DLC1: variants seen among roughly 807,000 people sequenced by gnomAD.
DLC1 encodes the protein rho GTPase-activating protein 7.
In DLC1, 54 loss-of-function variants were observed where a neutral mutation model predicts 140.3. The ratio of observed to expected loss-of-function variants is 0.38; its 90% CI spans 0.31 to 0.48. DLC1 has a LOEUF of 0.48. DLC1 is among the 20% of genes least tolerant of loss of function. The pLI, the probability that DLC1 is intolerant of heterozygous loss-of-function variation, is 0.96. For synonymous variants in DLC1, 986 were observed against 728.1 expected, an observed-to-expected ratio of 1.35 and a Z score of -5.70; for missense variants, 2,536 against 1,907.0, an observed-to-expected ratio of 1.33 and a Z score of -6.14.
chr8:13,394,140 C>G (rs1836905277), intron 3 of DLC1, among the ~76,000 whole-genome samples: 1 of 152,228 alleles, frequency 6.6e-6, no homozygotes, highest in Admixed American at 6.5e-5. Flanking sequence ...TTCTTCTTAC[C>G]TCAATCTCTT....
intron 5 of DLC1, among the ~76,000 whole-genome samples, chr8:13,145,774 A>G (rs1182049657): frequency 6.6e-6 from 1 of 152,232 alleles, no homozygotes; most frequent in Non-Finnish European, 1.5e-5. Flanking sequence ...AAAAATAAAG[A>G]GCTTACATAA....
intron 2 of DLC1, among the ~76,000 whole-genome samples, chr8:13,474,170 G>T (rs570241497): frequency 6.6e-6 from 1 of 152,140 alleles, no homozygotes; most frequent in Non-Finnish European, 1.5e-5. Flanking sequence ...GCAGTCTGGG[G>T]ATTTGGTGGC....
Position 13,483,798 on chromosome 8 carries a change from C to T in DLC1, c.1023+15251G>A, listed in dbSNP as rs764643193. Among the ~76,000 whole-genome samples the T allele has an allele frequency of 5.3e-5, 8 of 152,108 alleles. No homozygotes were observed. In the East Asian group the frequency reaches 5.8e-4, roughly 11 times the overall value. Reference sequence around the variant, plus strand: ...GATTTGCATTGTTTAAAGATAATCTCGGGCGGGGTGTGGTGGCTCACACCT... The same window carrying T: ...GATTTGCATTGTTTAAAGATAATCTTGGGCGGGGTGTGGTGGCTCACACCT... On this transcript the variant is annotated intron_variant, in intron 2 of 17. Transcript: ENST00000276297.
intron 2 of DLC1, among the ~76,000 whole-genome samples, chr8:13,495,663 T>C (rs1162095255): frequency 1.3e-5 from 2 of 152,176 alleles, no homozygotes; most frequent in Non-Finnish European, 2.9e-5. Context: ...TCCCCTCCAA[T>C]TGAGACTCCT....
intron 2 of DLC1, among the ~76,000 whole-genome samples, chr8:13,479,853 G>GAGAAAAAGAAAGAAAGAAAGA (rs1800622398): frequency 3.0e-4 from 15 of 49,982 alleles, no homozygotes; most frequent in African/African-American, 7.0e-4. Flanking sequence ...AGAAGAAGAA[G>GAGAAAAAGAAAGAAAGAAAGA]AAGAAGAGAA....
intron 1 of DLC1, among the ~76,000 whole-genome samples, chr8:13,578,692 A>G (rs549110606): frequency 1.3e-5 from 2 of 152,268 alleles, no homozygotes; most frequent in Admixed American, 6.5e-5. Context: ...ATTATAAAGG[A>G]TATTACAAAA....
In DLC1 at chr8:13,380,051, G is replaced by A. The variant is rs369362446; in HGVS notation, c.1314+13502C>T. 1.2e-4 allele frequency among the ~76,000 whole-genome samples: 19 copies of A among 152,198 alleles called. No individual in the cohort carries two copies. The East Asian group carries it at 2.7e-3, about 22-fold the overall frequency. ...AACTGAACTTTACAAAACCTTTCTG[G>A]CCAGGCACCATTCATTCCTTGTCAT... On this transcript the variant is annotated intron_variant, in intron 4 of 17. Transcript: ENST00000276297.
At chr8:13,383,831 C>T (rs866897122) in intron 4 of DLC1, among the ~76,000 whole-genome samples, 1 of 152,146 alleles carries the variant, frequency 6.6e-6, no homozygotes, top group African/African-American at 2.4e-5. Context: ...AAGCCAATTT[C>T]GAAGTAGATC....
At chr8:13,402,598 T>C (rs186118698) in intron 2 of DLC1, among the ~76,000 whole-genome samples, 2 of 152,328 alleles carry the variant, frequency 1.3e-5, no homozygotes, top group Admixed American at 1.3e-4. Context: ...TCTGATTGTA[T>C]TGATCTGGGT....
intron 5 of DLC1, among the ~76,000 whole-genome samples, chr8:13,234,548 T>C (rs946783792): frequency 1.3e-5 from 2 of 152,166 alleles, no homozygotes; most frequent in East Asian, 3.8e-4. Flanking sequence ...ATATTACAAA[T>C]GAAGAAAGCT....
chr8:13,268,540 G>A (rs778300354), intron 5 of DLC1, among the ~76,000 whole-genome samples: 4 of 152,194 alleles, frequency 2.6e-5, no homozygotes, highest in African/African-American at 2.4e-5. Flanking sequence ...GCATGCCACC[G>A]TAGCTGCCTA....
rs142520789 is a variant in DLC1 at position 13,099,484 on chromosome 8, G to C, written c.2853C>G (p.His951Gln). ...TGGTTCGGTCGTTGTCCACATCCAG[G>C]TGTATCTGTTTTGGAGAGGACGGGC... Reference protein sequence around the residue: ...SPCPSSPKQIHLDVDNDRTTP... With the variant: ...SPCPSSPKQIQLDVDNDRTTP... Residue 951 changes from histidine to glutamine, a missense_variant, in exon 9 of 18, where the codon CAC (histidine) becomes CAG (glutamine). His to Gln is a conservative substitution (Grantham distance 24). Coordinates refer to ENST00000276297, the MANE Select transcript of DLC1 (RefSeq NM_182643.3). The C allele has an allele frequency of 1.3e-5, 21 of 1,614,154 alleles. No individual in the cohort carries two copies. In the African/African-American group the frequency reaches 2.4e-4, roughly 18 times the overall value.
At chr8:13,350,204 T>C (rs1196583536) in intron 4 of DLC1, among the ~76,000 whole-genome samples, 1 of 152,156 alleles carries the variant, frequency 6.6e-6, no homozygotes, top group East Asian at 1.9e-4. Context: ...TATTTCCTTC[T>C]TTTAAGGCCC....
intron 2 of DLC1, among the ~76,000 whole-genome samples, chr8:13,473,447 T>C (rs1468949726): frequency 6.6e-6 from 1 of 152,176 alleles, no homozygotes; most frequent in Non-Finnish European, 1.5e-5. Flanking sequence ...GACTTGCTTC[T>C]TCTTCCTTCT....
chr8:13,309,938 A>G (rs1224055420), intron 4 of DLC1, among the ~76,000 whole-genome samples: 1 of 152,092 alleles, frequency 6.6e-6, no homozygotes, highest in African/African-American at 2.4e-5. Context: ...ATGTTTTTCT[A>G]TTTTAGAAAT....
chr8:13,591,886 TG>T (rs1805527410), intron 1 of DLC1, among the ~76,000 whole-genome samples: 1 of 152,020 alleles, frequency 6.6e-6, no homozygotes, highest in African/African-American at 2.4e-5. Context: ...ATGTAGGGAA[TG>T]GAGAGAGAAA....
At chr8:13,405,906 TC>T (rs1464800011) in intron 2 of DLC1, among the ~76,000 whole-genome samples, 2 of 143,234 alleles carry the variant, frequency 1.4e-5, no homozygotes, top group African/African-American at 5.2e-5. Context: ...TCTTTTTCTT[TC>T]TTTCTTTTCT....
chr8:13,421,293 G>A (rs1838312095), intron 2 of DLC1, among the ~76,000 whole-genome samples: 1 of 152,086 alleles, frequency 6.6e-6, no homozygotes, highest in South Asian at 2.1e-4. Flanking sequence ...AAGTCTACCT[G>A]AGAAAAGACT....
chr8:13,317,848 C>A (rs938770109), intron 4 of DLC1, among the ~76,000 whole-genome samples: 3 of 152,000 alleles, frequency 2.0e-5, no homozygotes, highest in East Asian at 1.9e-4. Context: ...CAGTTATAGT[C>A]CTCAAAGTGG....
Sources: allele counts gnomAD v4.1 joint callset (sites outside exome capture counted in the v4.1 genomes callset), GRCh38; gene constraint gnomAD v4.1.1; transcripts MANE v1.5; gene names NCBI Gene and HGNC (gene_info 2026-07-23, HGNC 2026-07-21).